Variants in PAK3 observed in about 807,000 individuals in gnomAD.
The protein encoded by PAK3 is p21 (RAC1) activated kinase 3.
PAK3 carries 4 observed loss-of-function variants against 41.0 expected under a neutral mutation model. The observed-to-expected ratio is 0.10, with a 90% CI of 0.05 to 0.22. PAK3 has a LOEUF of 0.22. Among genes scored for constraint, PAK3 ranks in the 10% least tolerant of loss-of-function variants. The probability of loss-of-function intolerance (pLI) is 1.00; values close to 1 mark genes in which losing one functional copy is unlikely to be tolerated. For synonymous variants in PAK3, 146 were observed against 139.6 expected (o/e 1.05, Z -0.32); for missense variants, 205 against 409.9 (o/e 0.50, Z 4.32).
intron 1 of PAK3, among the ~76,000 whole-genome samples, chrX:111,016,843 A>G (rs1019871415): frequency 5.4e-5 from 6 of 110,131 alleles, no homozygotes; most frequent in African/African-American, 2.0e-4. Flanking sequence ...AATAATTAGG[A>G]GTTGATTAAA....
Position 111,047,867 on chromosome X carries a change from A to C in PAK3, c.-27-75210A>C, listed in dbSNP as rs143988800. On this transcript the variant is annotated intron_variant, in intron 1 of 14. Coordinates refer to the PAK3 transcript ENST00000425146. The stretch of plus-strand genomic sequence containing the variant: ...TATCTCTTTCTCTTCTGCATCATCA[A>C]TCTTTCTCCAGAGATATGCAGTGGC... 3.6e-5 allele frequency among the ~76,000 whole-genome samples: 4 copies of C among 111,763 alleles called. No homozygotes were observed. The East Asian group carries it at 8.5e-4, about 24-fold the overall frequency.
chrX:111,217,354 G>T (rs1188087416), intron 17 of PAK3: 12 of 338,545 alleles, frequency 3.5e-5, no homozygotes, highest in South Asian at 3.5e-4. Flanking sequence ...CTGCTGGGGA[G>T]TGTTTCTCAG....
intron 1 of PAK3, among the ~76,000 whole-genome samples, chrX:111,069,228 A>C (rs2092723998): frequency 8.9e-6 from 1 of 111,963 alleles, no homozygotes; most frequent in Admixed American, 9.5e-5. Context: ...GTCAGTCAGG[A>C]CACATCATGT....
chrX:111,186,272 G>A (rs2094509535), intron 11 of PAK3, among the ~76,000 whole-genome samples: 1 of 111,430 alleles, frequency 9.0e-6, no homozygotes, highest in South Asian at 3.8e-4. Flanking sequence ...ATTCAACATA[G>A]TGTTGGAAGT....
intron 11 of PAK3, among the ~76,000 whole-genome samples, chrX:111,186,454 C>A (rs1360828168): frequency 1.8e-5 from 2 of 111,601 alleles, no homozygotes; most frequent in African/African-American, 3.3e-5. Flanking sequence ...TCTCAGGATA[C>A]AAAATCAATG....
intron 10 of PAK3, 142 bp downstream of exon 10, chrX:111,163,869 C>A: frequency 1.9e-6 from 1 of 523,024 alleles, no homozygotes; most frequent in Non-Finnish European, 3.4e-6. Context: ...AAATTTGAGA[C>A]TCACTGCATA....
chrX:111,171,504 G>C (rs959770422), intron 10 of PAK3, among the ~76,000 whole-genome samples: 5 of 111,594 alleles, frequency 4.5e-5, no homozygotes, highest in African/African-American at 1.6e-4. Flanking sequence ...CACTTCTGTG[G>C]TATTTATTCT....
At chrX:111,142,345 A>G in intron 6 of PAK3, 149 bp downstream of exon 6, 1 of 522,985 alleles carries the variant, frequency 1.9e-6, no homozygotes, top group South Asian at 2.5e-5. Flanking sequence ...GCAATCATAG[A>G]TGGAAATAGA....
intron 1 of PAK3, among the ~76,000 whole-genome samples, chrX:111,012,611 T>C (rs2092027110): frequency 8.9e-6 from 1 of 112,215 alleles, no homozygotes; most frequent in South Asian, 3.7e-4. Flanking sequence ...AAAAGTAAGG[T>C]GAGCACAAGT....
chrX:111,189,835 T>A (rs971972985), intron 11 of PAK3, among the ~76,000 whole-genome samples: 8 of 111,956 alleles, frequency 7.1e-5, no homozygotes, highest in Admixed American at 3.8e-4. Flanking sequence ...CTCAAATAAG[T>A]TCAGAAGGAC....
rs139014594 is a variant in PAK3, at chrX:111,058,202, T to C, written c.-27-64875T>C. On this transcript the variant is annotated intron_variant, in intron 1 of 14. Coordinates refer to the PAK3 transcript ENST00000425146. ...TTTCACTTGGGTATATACCTAGGAG[T>C]GAAATTGTTCAGTCATATAGTGACT... Among the ~76,000 whole-genome samples the C allele has an allele frequency of 4.2e-3, 465 of 111,891 alleles. 2 individuals are homozygous for C. Among genetic ancestry groups the C allele is most frequent in the African/African-American group, 0.014 (446 of 30,817 alleles).
intron 1 of PAK3, among the ~76,000 whole-genome samples, chrX:111,068,122 T>C (rs1337191386): frequency 4.5e-5 from 5 of 111,930 alleles, no homozygotes; most frequent in African/African-American, 1.6e-4. Context: ...TGTGTTCATA[T>C]TTGGCTTCCT....
At chrX:111,042,664 A>T (rs1405360788) in intron 1 of PAK3, among the ~76,000 whole-genome samples, 1 of 111,709 alleles carries the variant, frequency 9.0e-6, no homozygotes, top group African/African-American at 3.3e-5. Context: ...AAATCCAATG[A>T]TCCAAAAGTG....
chrX:111,150,914 G>A (rs1055181015), intron 7 of PAK3, among the ~76,000 whole-genome samples: 9 of 111,572 alleles, frequency 8.1e-5, no homozygotes, highest in African/African-American at 2.0e-4. Flanking sequence ...TTACCTCTTC[G>A]CACTGGATTT....
chrX:111,193,376 G>A (rs1330796022), intron 13 of PAK3, among the ~76,000 whole-genome samples: 2 of 87,400 alleles, frequency 2.3e-5, no homozygotes, highest in African/African-American at 9.2e-5. Context: ...TTTTTACAGA[G>A]TCTTGCTCTG....
At chrX:110,946,060 A>G (rs1341798424) in intron 1 of PAK3, among the ~76,000 whole-genome samples, 3 of 111,619 alleles carry the variant, frequency 2.7e-5, no homozygotes, top group Non-Finnish European at 3.8e-5. Flanking sequence ...ATTAGAGTAA[A>G]GTATGACAAG....
intron 17 of PAK3, among the ~76,000 whole-genome samples, chrX:111,218,433 T>C (rs2094899871): frequency 8.9e-6 from 1 of 112,261 alleles, no homozygotes; most frequent in Admixed American, 9.4e-5. Flanking sequence ...TATGGTTGAT[T>C]AGAGAAATAC....
At chrX:110,964,833 A>C (rs1043183653) in intron 1 of PAK3, among the ~76,000 whole-genome samples, 3 of 112,006 alleles carry the variant, frequency 2.7e-5, no homozygotes, top group Non-Finnish European at 5.6e-5. Context: ...GGGAGAAGGA[A>C]GCTAGCTGGC....
intron 1 of PAK3, among the ~76,000 whole-genome samples, chrX:110,944,960 G>T (rs1426915073): frequency 8.9e-6 from 1 of 112,027 alleles, no homozygotes; most frequent in East Asian, 2.8e-4. Context: ...TGGGGGCGGG[G>T]AGAGATGGAT....
Sources: gnomAD v4.1 joint callset for allele counts (sites outside exome capture counted in the v4.1 genomes callset) on GRCh38, gnomAD v4.1.1 for gene constraint, MANE v1.5 for transcripts, NCBI Gene and HGNC (gene_info 2026-07-23, HGNC 2026-07-21) for gene names.